ROBO1: variants seen among roughly 807,000 people sequenced by gnomAD.
The protein encoded by ROBO1 is roundabout guidance receptor 1.
ROBO1 carries 149 observed loss-of-function variants against 195.9 expected under a neutral mutation model. That is an observed-to-expected ratio of 0.76 (90% CI 0.67 to 0.87). The LOEUF (loss-of-function observed/expected upper bound fraction) is 0.87, where lower values mean the gene tolerates loss of function less well. Ranked by LOEUF, ROBO1 falls within the 40% of genes least tolerant of loss-of-function variation. The pLI, the probability that ROBO1 is intolerant of heterozygous loss-of-function variation, is 0.00. For missense variants in ROBO1, 1,933 were observed against 2,068.3 expected (o/e 0.93, Z 1.27); for synonymous variants, 816 against 733.2 (o/e 1.11, Z -1.82).
chr3:78,611,775 G>C (rs943775345), intron 28 of ROBO1, among the ~76,000 whole-genome samples: 1 of 152,264 alleles, frequency 6.6e-6, no homozygotes, highest in South Asian at 2.1e-4. Flanking sequence ...TGAGGTCACC[G>C]GGGTAGGTCC....
At chr3:79,577,120 T>C (rs1040838791) in intron 2 of ROBO1, among the ~76,000 whole-genome samples, 3 of 137,634 alleles carry the variant, frequency 2.2e-5, no homozygotes. Flanking sequence ...GATTACACAA[T>C]ACATAGTTTA....
chr3:78,867,016 C>A (rs1269129153), intron 4 of ROBO1, among the ~76,000 whole-genome samples: 1 of 152,122 alleles, frequency 6.6e-6, no homozygotes, highest in African/African-American at 2.4e-5. Context: ...ACTACGTTTG[C>A]CATTTGTATT....
chr3:78,880,626 T>C (rs924894697), intron 4 of ROBO1, among the ~76,000 whole-genome samples: 7 of 152,072 alleles, frequency 4.6e-5, no homozygotes, highest in Admixed American at 6.6e-5. Flanking sequence ...GTCAAGAAAA[T>C]TGCAAATTTA....
chr3:78,600,790 A>T (rs1045075195), intron 29 of ROBO1, among the ~76,000 whole-genome samples: 1 of 151,950 alleles, frequency 6.6e-6, no homozygotes. Flanking sequence ...TGAGATAATA[A>T]AATATCTACA....
chr3:79,260,087 TAC>T (rs149306958), intron 2 of ROBO1, among the ~76,000 whole-genome samples: 1,937 of 148,632 alleles, frequency 0.013, 39 homozygotes, highest in African/African-American at 0.043. Flanking sequence ...TAAATATATG[TAC>T]ACACACACAC....
chr3:79,002,085 C>A (rs1164305998), intron 3 of ROBO1, among the ~76,000 whole-genome samples: 1 of 152,082 alleles, frequency 6.6e-6, no homozygotes, highest in Admixed American at 6.6e-5. Flanking sequence ...TGACAAGAGA[C>A]TATAGATATT....
intron 2 of ROBO1, among the ~76,000 whole-genome samples, chr3:79,315,964 C>A (rs1347475563): frequency 6.6e-6 from 1 of 152,132 alleles, no homozygotes; most frequent in Admixed American, 6.5e-5. Context: ...TGGAGAAAAC[C>A]AGAGTCAAGT....
chr3:79,200,898 T>G (rs531366166), intron 2 of ROBO1, among the ~76,000 whole-genome samples: 4 of 152,136 alleles, frequency 2.6e-5, no homozygotes, highest in African/African-American at 9.6e-5. Context: ...TGAATCACTT[T>G]GACATATTTG....
chr3:78,646,743 A>C (rs1706318780), intron 20 of ROBO1, among the ~76,000 whole-genome samples: 1 of 151,882 alleles, frequency 6.6e-6, no homozygotes, highest in Non-Finnish European at 1.5e-5. Context: ...CCTATTTTTT[A>C]TTGTGGCTTC....
intron 2 of ROBO1, among the ~76,000 whole-genome samples, chr3:79,184,915 C>T (rs1409725758): frequency 6.6e-6 from 1 of 152,136 alleles, no homozygotes; most frequent in Non-Finnish European, 1.5e-5. Flanking sequence ...AAAGTCAGGT[C>T]CCTTTTCCTT....
intron 1 of ROBO1, among the ~76,000 whole-genome samples, chr3:79,662,584 G>T (rs1946361099): frequency 6.6e-6 from 1 of 151,986 alleles, no homozygotes; most frequent in Non-Finnish European, 1.5e-5. Context: ...CAATACTCAG[G>T]AGGCTTCATC....
intron 2 of ROBO1, among the ~76,000 whole-genome samples, chr3:79,383,632 C>T (rs1415827513): frequency 1.3e-5 from 2 of 151,986 alleles, no homozygotes; most frequent in Non-Finnish European, 1.5e-5. Context: ...CCATGCATTC[C>T]CCAGAAAGTA....
At chr3:78,655,435 C>G (rs1187317379) in intron 18 of ROBO1, among the ~76,000 whole-genome samples, 2 of 152,224 alleles carry the variant, frequency 1.3e-5, no homozygotes, top group East Asian at 1.9e-4. Context: ...CTTTCCTCCC[C>G]CTGCTACAGG....
At chr3:79,740,197 T>C (rs1200792315) in intron 1 of ROBO1, among the ~76,000 whole-genome samples, 1 of 137,550 alleles carries the variant, frequency 7.3e-6, no homozygotes, top group Admixed American at 8.1e-5. Context: ...CATCCTCTGA[T>C]AAAAAATATA....
At chr3:79,628,752 A>T (rs977346706) in intron 1 of ROBO1, among the ~76,000 whole-genome samples, 6 of 152,190 alleles carry the variant, frequency 3.9e-5, no homozygotes, top group Admixed American at 3.9e-4. Context: ...TCTACAAGAA[A>T]CCAACCTAAT....
chr3:79,421,034 T>C (rs1172361074), intron 2 of ROBO1, among the ~76,000 whole-genome samples: 1 of 152,132 alleles, frequency 6.6e-6, no homozygotes, highest in Non-Finnish European at 1.5e-5. Flanking sequence ...TGGAATACTA[T>C]GTAGCCATAA....
chr3:79,000,547 A>C (rs1473124026), intron 3 of ROBO1, among the ~76,000 whole-genome samples: 2 of 152,222 alleles, frequency 1.3e-5, no homozygotes, highest in Non-Finnish European at 2.9e-5. Flanking sequence ...TGGTCATTAG[A>C]GAAATGCAAA....
chr3:79,337,028 C>A (rs2034700278), intron 2 of ROBO1, among the ~76,000 whole-genome samples: 1 of 152,174 alleles, frequency 6.6e-6, no homozygotes, highest in African/African-American at 2.4e-5. Flanking sequence ...TCCAATTTCT[C>A]CCATTTGGAA....
chr3:78,781,672 G>A (rs1298749663), intron 4 of ROBO1, among the ~76,000 whole-genome samples: 1 of 151,428 alleles, frequency 6.6e-6, no homozygotes, highest in African/African-American at 2.4e-5. Flanking sequence ...TACAGATAAG[G>A]TTGAGAACAA....
Sources: allele counts gnomAD v4.1 joint callset (sites outside exome capture counted in the v4.1 genomes callset), GRCh38; gene constraint gnomAD v4.1.1; transcripts MANE v1.5; gene names NCBI Gene and HGNC (gene_info 2026-07-23, HGNC 2026-07-21).